TENM3: variants seen among roughly 807,000 people sequenced by gnomAD.
The protein encoded by TENM3 is teneurin-3.
In TENM3, 63 loss-of-function variants were observed where a neutral mutation model predicts 255.1. That is an observed-to-expected ratio of 0.25 (90% CI 0.20 to 0.30). TENM3 has a LOEUF of 0.30. Ranked by LOEUF, TENM3 falls within the 10% of genes least tolerant of loss-of-function variation. The pLI is 1.00. For synonymous variants in TENM3, 1,306 were observed against 1,322.3 expected (o/e 0.99, Z 0.27); for missense variants, 2,929 against 3,461.1 (o/e 0.85, Z 3.86).
At chr4:182,038,682 A>C in the TENM3 span, among the ~76,000 whole-genome samples, 1 of 152,216 alleles carries the variant, frequency 6.6e-6, no homozygotes, top group African/African-American at 2.4e-5. Context: ...ACCAATGCAG[A>C]GCTATAGACT....
At chr4:181,524,464 T>C in the TENM3 span, among the ~76,000 whole-genome samples, 1 of 152,222 alleles carries the variant, frequency 6.6e-6, no homozygotes, top group Non-Finnish European at 1.5e-5. Flanking sequence ...GTATATGCCC[T>C]GATTTAACTA....
the TENM3 span, among the ~76,000 whole-genome samples, chr4:181,946,022 A>T: frequency 6.6e-6 from 1 of 152,176 alleles, no homozygotes; most frequent in Non-Finnish European, 1.5e-5. Flanking sequence ...TTTCCTATTT[A>T]TCATAAAGAT....
intron 5 of TENM3, among the ~76,000 whole-genome samples, chr4:182,634,074 A>G (rs1428824329): frequency 6.6e-6 from 1 of 152,146 alleles, no homozygotes; most frequent in Non-Finnish European, 1.5e-5. Context: ...TGCTTCTCAG[A>G]CCACAATATG....
At chr4:182,159,472 G>A (rs989748841) in intron 1 of TENM3, among the ~76,000 whole-genome samples, 4 of 119,676 alleles carry the variant, frequency 3.3e-5, no homozygotes, top group Non-Finnish European at 8.1e-5. Flanking sequence ...GTGTGTGTGT[G>A]TGTGTGTGTG....
chr4:181,885,425 G>T, the TENM3 span, among the ~76,000 whole-genome samples: 2 of 152,042 alleles, frequency 1.3e-5, no homozygotes, highest in African/African-American at 4.8e-5. Context: ...ACCACACCCG[G>T]CTAATTTTTA....
At chr4:181,808,711 T>A in the TENM3 span, among the ~76,000 whole-genome samples, 2 of 152,206 alleles carry the variant, frequency 1.3e-5, no homozygotes, top group Admixed American at 1.3e-4. Context: ...AAGTTGAATG[T>A]ATATTGGTAT....
intron 3 of TENM3, among the ~76,000 whole-genome samples, chr4:182,419,876 G>T (rs1245288539): frequency 6.6e-6 from 1 of 150,952 alleles, no homozygotes; most frequent in East Asian, 2.0e-4. Flanking sequence ...GTCGTGGGGT[G>T]GGGGAGGGGG....
intron 3 of TENM3, among the ~76,000 whole-genome samples, chr4:182,579,995 T>C (rs1329519987): frequency 1.3e-5 from 2 of 152,146 alleles, no homozygotes; most frequent in East Asian, 1.9e-4. Context: ...ATTTGCAGGA[T>C]GTTGAGGTCC....
At chr4:182,750,029 G>T (rs1561197179) in intron 19 of TENM3, among the ~76,000 whole-genome samples, 1 of 152,010 alleles carries the variant, frequency 6.6e-6, no homozygotes, top group Non-Finnish European at 1.5e-5. Flanking sequence ...ATATTGATTT[G>T]TAACTCTTCA....
At chr4:182,381,808 G>A (rs140952906) in intron 3 of TENM3, among the ~76,000 whole-genome samples, 1,867 of 152,234 alleles carry the variant, frequency 0.012, 17 homozygotes, top group Middle Eastern at 0.041. Flanking sequence ...TGATCTGCCC[G>A]CATCGGCCTC....
chr4:181,889,240 C>G, the TENM3 span, among the ~76,000 whole-genome samples: 2 of 152,062 alleles, frequency 1.3e-5, no homozygotes, highest in African/African-American at 4.8e-5. Context: ...CGTGGTGATG[C>G]GTGCGTTCAC....
chr4:182,374,566 A>G (rs1767051164), intron 3 of TENM3, among the ~76,000 whole-genome samples: 1 of 152,156 alleles, frequency 6.6e-6, no homozygotes, highest in Non-Finnish European at 1.5e-5. Flanking sequence ...TACCATTTCC[A>G]AATCACTTCC....
chr4:182,782,249 G>A (rs1765233240), intron 24 of TENM3, among the ~76,000 whole-genome samples: 1 of 96,188 alleles, frequency 1.0e-5, no homozygotes, highest in African/African-American at 5.6e-5. Context: ...ATTCTGGTAT[G>A]TTGTGTCTTT....
the TENM3 span, among the ~76,000 whole-genome samples, chr4:181,626,545 A>G: frequency 6.6e-6 from 1 of 152,158 alleles, no homozygotes; most frequent in African/African-American, 2.4e-5. Flanking sequence ...TGCATGTTAC[A>G]TTGTGAGAGC....
Position 182,680,689 on chromosome 4 carries a change from G to A in TENM3, c.1786G>A (p.Gly596Ser). 1 of 1,596,842 alleles carries A rather than the reference G, an allele frequency of 6.3e-7. No homozygotes were observed. The highest frequency in any genetic ancestry group is 8.5e-7 in the Non-Finnish European group (1 of 1,173,444). Residue 596 changes from glycine to serine, a missense_variant, in exon 10 of 28, where the codon GGC becomes AGC. Coordinates refer to ENST00000511685, the MANE Select transcript of TENM3 (RefSeq NM_001080477.4). Reference protein sequence around the residue: ...QCGGRGICIMGSCACNSGYKG... With the variant: ...QCGGRGICIMSSCACNSGYKG... ...TGGGGGTCGTGGGATTTGTATCATGGGCTCTTGTGCTTGCAACTCAGGATA... is the reference window on the plus strand; with the variant it reads ...TGGGGGTCGTGGGATTTGTATCATGAGCTCTTGTGCTTGCAACTCAGGATA...
chr4:182,228,802 A>G (rs140746990), intron 1 of TENM3, among the ~76,000 whole-genome samples: 28 of 152,246 alleles, frequency 1.8e-4, no homozygotes, highest in African/African-American at 6.0e-4. Flanking sequence ...TAGGATTTCT[A>G]TCTTTGTTTT....
the TENM3 span, among the ~76,000 whole-genome samples, chr4:181,577,944 G>C: frequency 6.6e-6 from 1 of 152,056 alleles, no homozygotes; most frequent in East Asian, 1.9e-4. Context: ...TTTTCCTCCA[G>C]TCTGTCAATC....
chr4:181,970,695 C>A, the TENM3 span, among the ~76,000 whole-genome samples: 1 of 152,164 alleles, frequency 6.6e-6, no homozygotes, highest in East Asian at 1.9e-4. Context: ...ATCTCCTCCC[C>A]ACTTGGATTT....
intron 12 of TENM3, among the ~76,000 whole-genome samples, chr4:182,712,834 GTATTTTTATTAATATGT>G (rs1758855875): frequency 6.6e-6 from 1 of 152,196 alleles, no homozygotes; most frequent in African/African-American, 2.4e-5. Context: ...GCTATAGCAA[GTATTTTTATTAATATGT>G]TTTATACCAA....
Sources: allele counts gnomAD v4.1 joint callset (sites outside exome capture counted in the v4.1 genomes callset), GRCh38; gene constraint gnomAD v4.1.1; transcripts MANE v1.5; gene names NCBI Gene and HGNC (gene_info 2026-07-23, HGNC 2026-07-21).